RNLS: variants seen among roughly 807,000 people sequenced by gnomAD.
The protein encoded by RNLS is renalase, FAD dependent amine oxidase, also known as renalase.
A neutral mutation model predicts 39.8 loss-of-function variants in RNLS; 39 were observed. That is an observed-to-expected ratio of 0.98 (90% CI 0.76 to 1.28). RNLS has a LOEUF of 1.28. Among genes scored for constraint, RNLS ranks in the 50% most tolerant of loss-of-function variants. RNLS has a pLI of 0.00. For synonymous variants in RNLS, 147 were observed against 150.7 expected, an observed-to-expected ratio of 0.98 and a Z score of 0.18; for missense variants, 410 against 413.3, an observed-to-expected ratio of 0.99 and a Z score of 0.07.
chr10:88,493,187 G>A (rs1056892990), intron 4 of RNLS, among the ~76,000 whole-genome samples: 6 of 151,760 alleles, frequency 4.0e-5, no homozygotes, highest in African/African-American at 1.5e-4. Context: ...ATGAAAATCT[G>A]GTGCATATTT....
chr10:88,418,722 C>T (rs957553580), intron 4 of RNLS, among the ~76,000 whole-genome samples: 1 of 152,176 alleles, frequency 6.6e-6, no homozygotes, highest in Admixed American at 6.5e-5. Context: ...AAGTTGGTTA[C>T]ACCTCTCCAT....
intron 4 of RNLS, among the ~76,000 whole-genome samples, chr10:88,483,311 A>G (rs538879501): frequency 3.3e-5 from 5 of 152,274 alleles, no homozygotes; most frequent in Non-Finnish European, 7.4e-5. Context: ...CTTCAAGCCC[A>G]TCCCTTGGCC....
At chr10:88,215,288 T>C in the RNLS span, among the ~76,000 whole-genome samples, 1 of 152,078 alleles carries the variant, frequency 6.6e-6, no homozygotes, top group Non-Finnish European at 1.5e-5. Context: ...TTGACCCCTA[T>C]GAGATGGTTC....
chr10:88,279,992 C>G (rs1424780417), downstream of RNLS, among the ~76,000 whole-genome samples: 1 of 152,082 alleles, frequency 6.6e-6, no homozygotes, highest in South Asian at 2.1e-4. Context: ...GTTTTGCTGT[C>G]TATCCACTAA....
intron 4 of RNLS, among the ~76,000 whole-genome samples, chr10:88,452,236 C>T (rs779331495): frequency 6.6e-6 from 1 of 152,064 alleles, no homozygotes; most frequent in Non-Finnish European, 1.5e-5. Context: ...TAATGATAGT[C>T]TAGTACAAAG....
chr10:88,309,815 C>A (rs529120344), intron 6 of RNLS, among the ~76,000 whole-genome samples: 43 of 152,120 alleles, frequency 2.8e-4, no homozygotes, highest in Non-Finnish European at 6.0e-4. Flanking sequence ...GAGGGCCATG[C>A]AAGGAATGAG....
At chr10:88,295,164 A>G (rs1426239837) in intron 6 of RNLS, among the ~76,000 whole-genome samples, 1 of 152,216 alleles carries the variant, frequency 6.6e-6, no homozygotes, top group Non-Finnish European at 1.5e-5. Flanking sequence ...GTGAGGATAA[A>G]GATTATTTCT....
chr10:88,230,482 C>G, the RNLS span, among the ~76,000 whole-genome samples: 1 of 152,214 alleles, frequency 6.6e-6, no homozygotes. Context: ...CCTGCTGAGA[C>G]CCGTCTTTCT....
chr10:88,199,245 T>C, the RNLS span, among the ~76,000 whole-genome samples: 1 of 152,174 alleles, frequency 6.6e-6, no homozygotes, highest in Non-Finnish European at 1.5e-5. Context: ...GGTGGAAACA[T>C]CTAGATAGAT....
chr10:88,420,803 C>T (rs1262176988), intron 4 of RNLS, among the ~76,000 whole-genome samples: 4 of 152,192 alleles, frequency 2.6e-5, no homozygotes, highest in Non-Finnish European at 5.9e-5. Flanking sequence ...AGTTTAGGCG[C>T]TAATGCTATG....
At chr10:88,579,414 G>A (rs1850398612) in intron 3 of RNLS, among the ~76,000 whole-genome samples, 1 of 152,114 alleles carries the variant, frequency 6.6e-6, no homozygotes, top group Non-Finnish European at 1.5e-5. Flanking sequence ...GGGGGAAAAG[G>A]GGTTCTTATT....
chr10:88,356,048 G>A (rs1316377965), intron 5 of RNLS, among the ~76,000 whole-genome samples: 4 of 152,292 alleles, frequency 2.6e-5, no homozygotes, highest in South Asian at 4.1e-4. Flanking sequence ...CTGGTGTGCC[G>A]TTTGCTAAGA....
intron 4 of RNLS, among the ~76,000 whole-genome samples, chr10:88,416,859 G>A (rs899085755): frequency 6.6e-6 from 1 of 152,152 alleles, no homozygotes; most frequent in African/African-American, 2.4e-5. Context: ...GGAAACCCAG[G>A]AAACAGAATA....
chr10:88,245,376 T>C, the RNLS span, among the ~76,000 whole-genome samples: 1 of 152,196 alleles, frequency 6.6e-6, no homozygotes, highest in South Asian at 2.1e-4. Flanking sequence ...CTAGGCAGAA[T>C]GATCTCAGGC....
chr10:88,215,266 T>C, the RNLS span, among the ~76,000 whole-genome samples: 9 of 152,238 alleles, frequency 5.9e-5, no homozygotes, highest in East Asian at 1.7e-3. Flanking sequence ...AGCACTTAGA[T>C]TTAAAATTTC....
At chr10:88,572,847 C>T in intron 4 of RNLS, 56 bp downstream of exon 4, 1 of 1,576,696 alleles carries the variant, frequency 6.3e-7, no homozygotes, top group South Asian at 1.2e-5. Flanking sequence ...CAAATTCATG[C>T]TTTGTCAAAA....
At chr10:88,429,813 A>G (rs1589777864) in intron 4 of RNLS, among the ~76,000 whole-genome samples, 2 of 151,944 alleles carry the variant, frequency 1.3e-5, no homozygotes, top group East Asian at 3.9e-4. Context: ...TCTCCACTGA[A>G]CTGCTCTCAC....
chr10:88,334,627 C>T (rs1847352571), intron 5 of RNLS, among the ~76,000 whole-genome samples: 2 of 152,170 alleles, frequency 1.3e-5, no homozygotes, highest in African/African-American at 4.8e-5. Context: ...CAGTATTTAT[C>T]ACATTGTATT....
At chr10:88,524,960 CATATATATATATATAT>C (rs772272529) in intron 4 of RNLS, among the ~76,000 whole-genome samples, 9 of 88,966 alleles carry the variant, frequency 1.0e-4, no homozygotes, top group East Asian at 3.5e-4. Context: ...CACACACATA[CATATATATATATATAT>C]ATATATATAT....
Sources: gnomAD v4.1 joint callset for allele counts (sites outside exome capture counted in the v4.1 genomes callset) on GRCh38, gnomAD v4.1.1 for gene constraint, MANE v1.5 for transcripts, NCBI Gene and HGNC (gene_info 2026-07-23, HGNC 2026-07-21) for gene names.